MYT1L: variants seen among roughly 807,000 people sequenced by gnomAD.
MYT1L encodes myelin transcription factor 1 like.
Under a neutral mutation model 126.7 loss-of-function variants are expected in MYT1L, and 12 were observed. That is an observed-to-expected ratio of 0.09 (90% CI 0.06 to 0.15). The LOEUF is 0.15. Among genes scored for constraint, MYT1L ranks in the 10% least tolerant of loss-of-function variants. MYT1L has a pLI of 1.00. For synonymous variants in MYT1L, 541 were observed against 604.2 expected, an observed-to-expected ratio of 0.90 and a Z score of 1.53; for missense variants, 979 against 1,585.2, an observed-to-expected ratio of 0.62 and a Z score of 6.49.
In MYT1L at chr2:1,985,840, G is replaced by C. The variant is rs1333119391; in HGVS notation, c.1-6063C>G. On this transcript the variant is annotated intron_variant, in intron 5 of 24. Coordinates refer to ENST00000647738, the MANE Select transcript of MYT1L (RefSeq NM_001303052.2). The stretch of plus-strand genomic sequence containing the variant: ...CAACTTGTGAGAGTGCGACCACCCA[G>C]GATAGCACTAATTCGAGCACGGCAC... Among the ~76,000 whole-genome samples the C allele has an allele frequency of 2.0e-5, 3 of 152,200 alleles. No homozygotes were observed. In the East Asian group the frequency reaches 5.8e-4, roughly 29 times the overall value.
rs764144322 is a variant in MYT1L at position 2,004,502 on chromosome 2, CTTTCCTGCAGGCATTA to C, written c.-157-7171_-157-7156del. Among the ~76,000 whole-genome samples the C allele has an allele frequency of 6.8e-3, 1,015 of 149,538 alleles. 7 individuals carry two copies. Among genetic ancestry groups the C allele is most frequent in the Non-Finnish European group, 0.012 (796 of 67,598 alleles). On this transcript the variant is annotated intron_variant, in intron 4 of 24. Coordinates refer to ENST00000647738, the MANE Select transcript of MYT1L (RefSeq NM_001303052.2). Reference sequence around the variant, plus strand: ...GCTTGCCTTCTTTCCTGCAGGCATTCTTTCCTGCAGGCATTATTTCCTGCATACGTTCTTTCCTGCA... The same window carrying C: ...GCTTGCCTTCTTTCCTGCAGGCATTCTTTCCTGCATACGTTCTTTCCTGCA...
intron 3 of MYT1L, among the ~76,000 whole-genome samples, chr2:2,125,851 T>G (rs1388988412): frequency 6.6e-6 from 1 of 152,202 alleles, no homozygotes; most frequent in African/African-American, 2.4e-5. Context: ...ATTGAAGAAC[T>G]GTATTTCCAT....
intron 24 of MYT1L, 110 bp from the exon 25 acceptor site, chr2:1,792,117 C>T (rs775893555): frequency 3.4e-6 from 4 of 1,185,578 alleles, no homozygotes; most frequent in Non-Finnish European, 4.6e-6. Flanking sequence ...TATACTATTT[C>T]AAAGGCCGGC....
chr2:2,136,499 T>C (rs1166687580), intron 3 of MYT1L, among the ~76,000 whole-genome samples: 1 of 152,172 alleles, frequency 6.6e-6, no homozygotes, highest in Non-Finnish European at 1.5e-5. Flanking sequence ...ATTATTTCTC[T>C]CCCTTCCCTC....
intron 2 of MYT1L, among the ~76,000 whole-genome samples, chr2:2,214,698 A>G (rs927483459): frequency 1.3e-5 from 2 of 152,186 alleles, no homozygotes; most frequent in African/African-American, 4.8e-5. Flanking sequence ...TCACCAGCAG[A>G]CTGGGCCTTA....
intron 3 of MYT1L, among the ~76,000 whole-genome samples, chr2:2,104,239 T>G (rs542710011): frequency 6.6e-6 from 1 of 152,178 alleles, no homozygotes; most frequent in Non-Finnish European, 1.5e-5. Context: ...GGGAGTCAAC[T>G]AGCAAAAAGC....
At chr2:2,187,442 C>T (rs1452363122) in intron 2 of MYT1L, among the ~76,000 whole-genome samples, 2 of 151,902 alleles carry the variant, frequency 1.3e-5, no homozygotes, top group African/African-American at 4.8e-5. Flanking sequence ...TTACACGGCG[C>T]GTGCGGGGCT....
intron 2 of MYT1L, among the ~76,000 whole-genome samples, chr2:2,211,273 A>T (rs549025098): frequency 6.6e-6 from 1 of 152,252 alleles, no homozygotes; most frequent in Non-Finnish European, 1.5e-5. Context: ...TGAAAATCAC[A>T]TAACAATGAC....
At chr2:2,280,509 C>A (rs1229867409) in intron 2 of MYT1L, among the ~76,000 whole-genome samples, 1 of 152,194 alleles carries the variant, frequency 6.6e-6, no homozygotes, top group South Asian at 2.1e-4. Context: ...GCCTTTTAAA[C>A]CGAACTAAAC....
At chr2:2,142,860 G>C (rs2084222150) in intron 3 of MYT1L, among the ~76,000 whole-genome samples, 1 of 151,584 alleles carries the variant, frequency 6.6e-6, no homozygotes, top group Admixed American at 6.6e-5. Flanking sequence ...CTAATGTTTG[G>C]ATTTTTAGTA....
rs2057803286 is a variant in MYT1L at position 1,952,060 on chromosome 2, TTC to T, written c.153-8728_153-8727del. On this transcript the variant is annotated intron_variant, in intron 8 of 24. Coordinates refer to ENST00000647738, the MANE Select transcript of MYT1L (RefSeq NM_001303052.2). ...TTTTAACATTTTTTAAAGTTATTTT[TTC>T]TCTGTATTGTTACAAAGGCATAGCT... 3.9e-5 allele frequency among the ~76,000 whole-genome samples: 6 copies of T among 152,356 alleles called. 1 individual carries two copies. In the South Asian group the frequency reaches 1.2e-3, roughly 32 times the overall value.
intron 8 of MYT1L, among the ~76,000 whole-genome samples, chr2:1,952,730 T>C (rs150776038): frequency 0.011 from 5 of 436 alleles, no homozygotes; most frequent in Non-Finnish European, 0.014. Flanking sequence ...TTCCTTCCCT[T>C]CCCTCCTTCC....
intron 3 of MYT1L, among the ~76,000 whole-genome samples, chr2:2,120,253 G>A (rs554505819): frequency 2.6e-4 from 40 of 152,260 alleles, no homozygotes; most frequent in African/African-American, 8.7e-4. Flanking sequence ...AGTGGTCGCT[G>A]CCCTTGCAAG....
chr2:2,099,052 C>A (rs1165572149), intron 3 of MYT1L, among the ~76,000 whole-genome samples: 2 of 152,206 alleles, frequency 1.3e-5, no homozygotes, highest in African/African-American at 4.8e-5. Context: ...CCATTAAAAG[C>A]ATGAGGGAGG....
At chr2:1,983,888 T>C (rs2060800019) in intron 5 of MYT1L, among the ~76,000 whole-genome samples, 1 of 152,224 alleles carries the variant, frequency 6.6e-6, no homozygotes, top group Admixed American at 6.5e-5. Flanking sequence ...TCCAGTAATT[T>C]ACATTTAGAA....
At chr2:2,301,382 A>C (rs1034513568) in intron 1 of MYT1L, among the ~76,000 whole-genome samples, 1 of 151,830 alleles carries the variant, frequency 6.6e-6, no homozygotes, top group African/African-American at 2.4e-5. Context: ...AGACACATTC[A>C]TTTTTTCATC....
intron 1 of MYT1L, among the ~76,000 whole-genome samples, chr2:2,323,772 T>C (rs2096208308): frequency 6.6e-6 from 1 of 152,194 alleles, no homozygotes; most frequent in Non-Finnish European, 1.5e-5. Flanking sequence ...TACAGATCAA[T>C]AGAAACTTCA....
At chr2:2,092,467 T>TA (rs1400469090) in intron 3 of MYT1L, among the ~76,000 whole-genome samples, 2 of 152,132 alleles carry the variant, frequency 1.3e-5, no homozygotes, top group African/African-American at 2.4e-5. Context: ...ATGATGATAA[T>TA]AAAAAAGTTT....
intron 3 of MYT1L, among the ~76,000 whole-genome samples, chr2:2,066,736 T>G (rs1343348700): frequency 6.6e-6 from 1 of 152,148 alleles, no homozygotes; most frequent in African/African-American, 2.4e-5. Flanking sequence ...TTGCTATTAC[T>G]CCATCCTGTC....
Sources: allele counts gnomAD v4.1 joint callset (sites outside exome capture counted in the v4.1 genomes callset), GRCh38; gene constraint gnomAD v4.1.1; transcripts MANE v1.5; gene names NCBI Gene and HGNC (gene_info 2026-07-23, HGNC 2026-07-21).